Variants in FER observed in about 807,000 individuals in gnomAD.
FER encodes the protein FER tyrosine kinase, also known as tyrosine-protein kinase Fer.
A neutral mutation model predicts 111.0 loss-of-function variants in FER; 63 were observed. The ratio of observed to expected loss-of-function variants is 0.57; its 90% CI spans 0.46 to 0.70. The LOEUF is 0.70. Ranked by LOEUF, FER falls within the 30% of genes least tolerant of loss-of-function variation. The pLI, the probability that FER is intolerant of heterozygous loss-of-function variation, is 0.00. For synonymous variants in FER, 327 were observed against 313.9 expected, an observed-to-expected ratio of 1.04 and a Z score of -0.44; for missense variants, 914 against 954.0, an observed-to-expected ratio of 0.96 and a Z score of 0.55.
At position 108,835,197 on chromosome 5, in the gene FER, C is replaced by A. The variant is rs1449049591; in HGVS notation, c.382-511C>A. ...TTCGTTTGCGCCACCCCCCCCCCCC[C>A]ACTTTTTTTTTGAGTCAAGTTTCAG... On this transcript the variant is annotated intron_variant, in intron 4 of 19. Coordinates refer to ENST00000281092, the MANE Select transcript of FER (RefSeq NM_005246.4). Among the ~76,000 whole-genome samples, 38 of 125,710 alleles carry A rather than the reference C, an allele frequency of 3.0e-4. 4 individuals carry two copies. Among genetic ancestry groups the A allele is most frequent in the African/African-American group, 5.8e-4 (19 of 32,878 alleles). 82.5% of individuals were successfully genotyped at this position (125,710 alleles called of 152,430 possible). A position where few individuals can be genotyped will look rare whatever the true frequency, so the allele number is the denominator to read the frequency against.
rs566560278 is a variant in FER at position 108,903,485 on chromosome 5, C to G, written c.1236+5637C>G. ...TTCGAGACCAGCCTGACCAACATGG[C>G]AAAACCCTGTCTCTACTAAAAATAC... On this transcript the variant is annotated intron_variant, in intron 10 of 19. Coordinates refer to ENST00000281092, the MANE Select transcript of FER (RefSeq NM_005246.4). Among the ~76,000 whole-genome samples the G allele has an allele frequency of 2.8e-3, 430 of 152,154 alleles. 4 individuals carry two copies. Among genetic ancestry groups the G allele is most frequent in the African/African-American group, 9.9e-3 (413 of 41,512 alleles).
At chr5:109,105,360 T>A (rs771501230) in intron 17 of FER, among the ~76,000 whole-genome samples, 4 of 151,908 alleles carry the variant, frequency 2.6e-5, no homozygotes, top group African/African-American at 4.8e-5. Flanking sequence ...CTTTGAGGAT[T>A]TATTTCTCTA....
At chr5:109,145,022 C>T (rs901135959) in intron 17 of FER, among the ~76,000 whole-genome samples, 5 of 151,382 alleles carry the variant, frequency 3.3e-5, no homozygotes, top group African/African-American at 4.8e-5. Flanking sequence ...AGGATTGTTT[C>T]ATTTCTTTAG....
intron 16 of FER, among the ~76,000 whole-genome samples, chr5:109,077,455 T>C (rs1407778422): frequency 6.6e-6 from 1 of 152,226 alleles, no homozygotes. Flanking sequence ...TCTTTTAAAA[T>C]AATATACATA....
intron 2 of FER, among the ~76,000 whole-genome samples, chr5:108,779,010 CT>C (rs202242084): frequency 0.022 from 3,173 of 143,254 alleles, 32 homozygotes; most frequent in Non-Finnish European, 0.033. Context: ...TGTCTAGGCT[CT>C]TTTTTTTTTT....
At chr5:109,156,454 T>C (rs962183026) in intron 17 of FER, among the ~76,000 whole-genome samples, 4 of 152,028 alleles carry the variant, frequency 2.6e-5, no homozygotes, top group Non-Finnish European at 4.4e-5. Context: ...GATAGCAAAC[T>C]AGAGCTATCT....
At chr5:109,066,503 G>A (rs1426394194) in intron 16 of FER, among the ~76,000 whole-genome samples, 1 of 151,996 alleles carries the variant, frequency 6.6e-6, no homozygotes, top group South Asian at 2.1e-4. Flanking sequence ...TTTAAGTTAA[G>A]TAGGATTTCT....
intron 13 of FER, among the ~76,000 whole-genome samples, chr5:109,010,181 T>C (rs1242943677): frequency 1.3e-5 from 2 of 152,092 alleles, no homozygotes; most frequent in Non-Finnish European, 2.9e-5. Context: ...CCTTCTTTTT[T>C]TTGAGACAGC....
chr5:109,034,694 T>C (rs890739686), intron 13 of FER, among the ~76,000 whole-genome samples: 1 of 152,150 alleles, frequency 6.6e-6, no homozygotes, highest in Non-Finnish European at 1.5e-5. Context: ...TTTGTGTTTT[T>C]GTTTCTACAT....
At chr5:108,801,337 A>G (rs1480234060) in intron 3 of FER, among the ~76,000 whole-genome samples, 1 of 152,182 alleles carries the variant, frequency 6.6e-6, no homozygotes, top group African/African-American at 2.4e-5. Flanking sequence ...TATACTCTTT[A>G]TTCTGTTCCA....
intron 13 of FER, among the ~76,000 whole-genome samples, chr5:108,984,778 G>T (rs977300302): frequency 3.3e-5 from 5 of 151,964 alleles, no homozygotes; most frequent in African/African-American, 1.2e-4. Flanking sequence ...CTCAATCCGT[G>T]GTGGTGAGAT....
At chr5:108,961,554 A>G (rs1023665814) in intron 13 of FER, among the ~76,000 whole-genome samples, 1 of 152,152 alleles carries the variant, frequency 6.6e-6, no homozygotes, top group African/African-American at 2.4e-5. Flanking sequence ...TAGAAATTAA[A>G]TCGTTATATG....
intron 17 of FER, among the ~76,000 whole-genome samples, chr5:109,137,408 G>A (rs1056115421): frequency 1.8e-4 from 28 of 152,142 alleles, no homozygotes; most frequent in African/African-American, 6.0e-4. Context: ...CAGCTTTCCC[G>A]ACAGGCCTGT....
intron 16 of FER, among the ~76,000 whole-genome samples, chr5:109,096,134 T>C (rs917753469): frequency 2.0e-5 from 3 of 152,150 alleles, no homozygotes; most frequent in African/African-American, 7.2e-5. Flanking sequence ...CTGAGCCCCA[T>C]TAATACTGAA....
rs527342942 is a variant in FER at position 109,186,076 on chromosome 5, T to C, written c.2204-124T>C. 1.7e-4 allele frequency: 231 copies of C among 1,335,224 alleles called. 5 individuals are homozygous for C. In the South Asian group the frequency reaches 2.9e-3, roughly 17 times the overall value. The allele number at this position is 1,335,224 out of a possible 1,614,324, so 82.7% of individuals were successfully genotyped here. A position where few individuals can be genotyped will look rare whatever the true frequency, so the allele number is the denominator to read the frequency against. On this transcript the variant is annotated intron_variant, in intron 18 of 19. Transcript: ENST00000281092. The stretch of plus-strand genomic sequence containing the variant: ...ATTATACTGGGACCACTGTCATATA[T>C]GTGCTCCATCATTGACCAAACATCA...
chr5:108,985,483 C>T (rs1393478418), intron 13 of FER, among the ~76,000 whole-genome samples: 3 of 151,976 alleles, frequency 2.0e-5, no homozygotes, highest in Non-Finnish European at 4.4e-5. Flanking sequence ...TGTTTGCTTA[C>T]ATGAGTAAGT....
At chr5:109,049,312 T>G (rs1441168969) in intron 16 of FER, among the ~76,000 whole-genome samples, 2 of 152,210 alleles carry the variant, frequency 1.3e-5, no homozygotes, top group African/African-American at 4.8e-5. Context: ...AGCTGTTATC[T>G]GGAGGCTCTG....
chr5:109,151,411 G>T (rs1434327586), intron 17 of FER, among the ~76,000 whole-genome samples: 1 of 151,950 alleles, frequency 6.6e-6, no homozygotes, highest in African/African-American at 2.4e-5. Context: ...TTTACAGACT[G>T]GTACAAAAGC....
intron 17 of FER, among the ~76,000 whole-genome samples, chr5:109,165,772 T>C (rs1756493164): frequency 6.6e-6 from 1 of 152,196 alleles, no homozygotes; most frequent in Non-Finnish European, 1.5e-5. Context: ...ACATCCCATG[T>C]TCATTCTATG....
Sources: gnomAD v4.1 joint callset for allele counts (sites outside exome capture counted in the v4.1 genomes callset) on GRCh38, gnomAD v4.1.1 for gene constraint, MANE v1.5 for transcripts, NCBI Gene and HGNC (gene_info 2026-07-23, HGNC 2026-07-21) for gene names.